SLC22A3: variants seen among roughly 807,000 people sequenced by gnomAD.
SLC22A3 encodes solute carrier family 22 member 3.
SLC22A3 carries 51 observed loss-of-function variants against 59.1 expected under a neutral mutation model. The observed-to-expected ratio is 0.86, with a 90% confidence interval of 0.69 to 1.09. The LOEUF is 1.09. Ranked by LOEUF, SLC22A3 falls within the 50% of genes least tolerant of loss-of-function variation. SLC22A3 has a pLI of 0.00. For missense variants in SLC22A3, 711 were observed against 726.3 expected, an observed-to-expected ratio of 0.98 and a Z score of 0.24; for synonymous variants, 325 against 292.0, an observed-to-expected ratio of 1.11 and a Z score of -1.15.
At chr6:160,413,114 A>G (rs527390667) in intron 5 of SLC22A3, among the ~76,000 whole-genome samples, 2 of 152,362 alleles carry the variant, frequency 1.3e-5, no homozygotes, top group East Asian at 3.9e-4. Context: ...CTTGTGAAAT[A>G]TAATGTTGGA....
In SLC22A3 at chr6:160,348,958, G is replaced by T. The variant is rs1261799942; in HGVS notation, c.429+110G>T. The T allele has an allele frequency of 3.3e-6, 5 of 1,526,330 alleles. No homozygotes were observed. In the East Asian group the frequency reaches 9.8e-5, roughly 30 times the overall value. The allele number at this position is 1,526,330 out of a possible 1,614,324, so 94.5% of individuals were successfully genotyped here. On this transcript the variant is annotated intron_variant, in intron 1 of 10. Transcript: ENST00000275300. ...CGCCAGGGGAGGTCGGTGGAGACGG[G>T]GACCGGTCGGCTACCTCTGGGGACA...
At chr6:160,410,434 A>C (rs1011082945) in intron 4 of SLC22A3, among the ~76,000 whole-genome samples, 36 of 152,308 alleles carry the variant, frequency 2.4e-4, no homozygotes, top group African/African-American at 8.4e-4. Flanking sequence ...TATTTACTAA[A>C]TCCCAATTCT....
chr6:160,394,131 T>TG (rs1562482317), intron 1 of SLC22A3, among the ~76,000 whole-genome samples: 1 of 152,226 alleles, frequency 6.6e-6, no homozygotes, highest in African/African-American at 2.4e-5. Flanking sequence ...TTTTTGCATG[T>TG]GTATACTTTG....
At chr6:160,371,158 C>A (rs547747664) in intron 1 of SLC22A3, among the ~76,000 whole-genome samples, 1 of 152,282 alleles carries the variant, frequency 6.6e-6, no homozygotes, top group South Asian at 2.1e-4. Flanking sequence ...TGCCTCCCAC[C>A]CAGGAGCAGG....
At chr6:160,445,649 G>A (rs1209051746) in intron 9 of SLC22A3, among the ~76,000 whole-genome samples, 1 of 152,190 alleles carries the variant, frequency 6.6e-6, no homozygotes, top group Non-Finnish European at 1.5e-5. Context: ...TAAAGGGATG[G>A]CAATGGGAAT....
intron 1 of SLC22A3, among the ~76,000 whole-genome samples, chr6:160,384,976 C>T (rs1785942687): frequency 6.6e-6 from 1 of 152,232 alleles, no homozygotes; most frequent in African/African-American, 2.4e-5. Context: ...CAAACCAGCG[C>T]TCCGGGTCCT....
At chr6:160,378,576 G>A in intron 1 of SLC22A3, among the ~76,000 whole-genome samples, 1 of 152,132 alleles carries the variant, frequency 6.6e-6, no homozygotes, top group Non-Finnish European at 1.5e-5. Flanking sequence ...TTCTTTTCGT[G>A]GAATGTCTGG....
chr6:160,424,409 T>C (rs573022076), intron 5 of SLC22A3, among the ~76,000 whole-genome samples: 2 of 152,338 alleles, frequency 1.3e-5, no homozygotes, highest in South Asian at 2.1e-4. Flanking sequence ...ATTCCTGTCA[T>C]GTGGGCAATC....
chr6:160,371,047 T>C (rs944994464), intron 1 of SLC22A3, among the ~76,000 whole-genome samples: 2 of 152,200 alleles, frequency 1.3e-5, no homozygotes, highest in East Asian at 3.9e-4. Context: ...TCTGGTAGAT[T>C]ATCTTTTGTA....
intron 1 of SLC22A3, among the ~76,000 whole-genome samples, chr6:160,390,256 T>A (rs1786199436): frequency 6.6e-6 from 1 of 151,986 alleles, no homozygotes; most frequent in Non-Finnish European, 1.5e-5. Context: ...AGGGCTGCCA[T>A]CCTAGGGAAG....
At chr6:160,394,321 G>GA (rs1562482408) in intron 1 of SLC22A3, among the ~76,000 whole-genome samples, 1 of 152,314 alleles carries the variant, frequency 6.6e-6, no homozygotes, top group African/African-American at 2.4e-5. Context: ...CTTTATATCA[G>GA]AAAAAAGTAC....
At position 160,415,511 on chromosome 6, in the gene SLC22A3, C is replaced by T. The variant is rs750395455; in HGVS notation, c.975+4665C>T. Among the ~76,000 whole-genome samples the T allele has an allele frequency of 3.9e-5, 6 of 152,212 alleles. No homozygotes were observed. Among genetic ancestry groups the T allele is most frequent in the Non-Finnish European group, 8.8e-5 (6 of 68,034 alleles). On this transcript the variant is annotated intron_variant, in intron 5 of 10. Transcript: ENST00000275300. The surrounding 1 kb of genome is among the most constrained non-coding windows in gnomAD (Gnocchi z 4.1). ...GTTACTTTCACATTAACCCACATCC[C>T]TCTCTCTGGATACAGTTTCCAGGAT...
chr6:160,394,550 G>T (rs1786395725), intron 1 of SLC22A3, among the ~76,000 whole-genome samples: 1 of 152,168 alleles, frequency 6.6e-6, no homozygotes, highest in African/African-American at 2.4e-5. Context: ...CCCTGTACAG[G>T]AAACACAAGC....
At chr6:160,437,591 G>A (rs994894832) in intron 7 of SLC22A3, among the ~76,000 whole-genome samples, 1 of 152,210 alleles carries the variant, frequency 6.6e-6, no homozygotes, top group African/African-American at 2.4e-5. Context: ...ATAGAAGAAC[G>A]CAGTCTTGAC....
chr6:160,421,560 A>C (rs1391031541), intron 5 of SLC22A3, among the ~76,000 whole-genome samples: 2 of 152,166 alleles, frequency 1.3e-5, no homozygotes, highest in East Asian at 1.9e-4. Flanking sequence ...GCAGAGAAGC[A>C]TTTACTTCTT....
chr6:160,363,838 T>A (rs1176430831), intron 1 of SLC22A3, among the ~76,000 whole-genome samples: 1 of 151,856 alleles, frequency 6.6e-6, no homozygotes, highest in African/African-American at 2.4e-5. Flanking sequence ...CCTTGATGAC[T>A]GTTCAGCATG....
At chr6:160,439,146 G>A (rs1489563341) in intron 7 of SLC22A3, among the ~76,000 whole-genome samples, 1 of 152,060 alleles carries the variant, frequency 6.6e-6, no homozygotes, top group Non-Finnish European at 1.5e-5. Context: ...GCCAGCCACT[G>A]AACTAGGAGG....
chr6:160,420,552 T>A (rs900970671), intron 5 of SLC22A3, among the ~76,000 whole-genome samples: 3 of 152,236 alleles, frequency 2.0e-5, no homozygotes, highest in Non-Finnish European at 4.4e-5. Flanking sequence ...AAGGACATAT[T>A]ACTAAAGAGT....
At chr6:160,366,692 A>T (rs1014226663) in intron 1 of SLC22A3, among the ~76,000 whole-genome samples, 7 of 152,170 alleles carry the variant, frequency 4.6e-5, no homozygotes, top group Admixed American at 3.9e-4. Flanking sequence ...CTGGACATCC[A>T]TGTGTTTCCA....
Sources: allele counts gnomAD v4.1 joint callset (sites outside exome capture counted in the v4.1 genomes callset), GRCh38; gene constraint gnomAD v4.1.1; non-coding constraint Gnocchi (gnomAD v3.1); transcripts MANE v1.5; gene names NCBI Gene and HGNC (gene_info 2026-07-23, HGNC 2026-07-21).